ITIH5: variants seen among roughly 807,000 people sequenced by gnomAD.
The protein encoded by ITIH5 is inter-alpha-trypsin inhibitor heavy chain H5.
In ITIH5, 65 loss-of-function variants were observed where a neutral mutation model predicts 77.5. That is an observed-to-expected ratio of 0.84 (90% CI 0.69 to 1.03). ITIH5 has a LOEUF of 1.03. Ranked by LOEUF, ITIH5 falls within the 50% of genes least tolerant of loss-of-function variation. The pLI, the probability that ITIH5 is intolerant of heterozygous loss-of-function variation, is 0.00. For missense variants in ITIH5, 1,208 were observed against 1,213.1 expected, an observed-to-expected ratio of 1.00 and a Z score of 0.06; for synonymous variants, 525 against 494.3, an observed-to-expected ratio of 1.06 and a Z score of -0.82.
chr10:7,596,095 G>A (rs918069197), intron 7 of ITIH5, among the ~76,000 whole-genome samples: 1 of 152,196 alleles, frequency 6.6e-6, no homozygotes, highest in African/African-American at 2.4e-5. Context: ...GGTCTTGCTT[G>A]TTCTAGCGGA....
At chr10:7,616,128 T>C in intron 6 of ITIH5, 30 bp from the exon 7 acceptor site, 1 of 1,337,074 alleles carries the variant, frequency 7.5e-7, no homozygotes. Context: ...GTAAAAACGG[T>C]AGTACCTAGA....
At chr10:7,662,288 C>T (rs888099133) in intron 1 of ITIH5, among the ~76,000 whole-genome samples, 2 of 151,608 alleles carry the variant, frequency 1.3e-5, no homozygotes, top group African/African-American at 2.4e-5. Context: ...ATCCGGGAGG[C>T]GGAGGTTGCA....
Position 7,566,792 on chromosome 10 carries a change from AAGAAGAAGAGGAAGAGG to A in ITIH5, c.2150-402_2150-386del, listed in dbSNP as rs1344203437. The stretch of plus-strand genomic sequence containing the variant: ...GAAGAAAGAAGAAAGAAGAAAGAAG[AAGAAGAAGAGGAAGAGG>A]AAGAGGAAGAGGAAGAGGAAGAGGA... On this transcript the variant is annotated intron_variant, in intron 12 of 13. Coordinates refer to ENST00000397146, the MANE Select transcript of ITIH5 (RefSeq NM_030569.7). Among the ~76,000 whole-genome samples, 4 of 7,496 alleles carry A rather than the reference AAGAAGAAGAGGAAGAGG, an allele frequency of 5.3e-4. 2 individuals carry two copies. Among genetic ancestry groups the A allele is most frequent in the South Asian group, 0.014 (2 of 140 alleles). 4.9% of individuals were successfully genotyped at this position (7,496 alleles called of 152,430 possible).
At chr10:7,624,405 G>T (rs1003420267) in intron 5 of ITIH5, among the ~76,000 whole-genome samples, 29 of 152,124 alleles carry the variant, frequency 1.9e-4, no homozygotes, top group African/African-American at 6.8e-4. Flanking sequence ...TACTCGGGAG[G>T]CTGAGGCAGG....
intron 8 of ITIH5, among the ~76,000 whole-genome samples, chr10:7,583,030 T>C (rs1003341775): frequency 1.4e-4 from 21 of 152,224 alleles, no homozygotes; most frequent in African/African-American, 5.1e-4. Flanking sequence ...CTTGAGGTGA[T>C]GGATATCTCA....
intron 7 of ITIH5, among the ~76,000 whole-genome samples, chr10:7,610,403 T>C (rs1173417885): frequency 1.3e-5 from 2 of 152,192 alleles, no homozygotes; most frequent in African/African-American, 2.4e-5. Context: ...TAAGGTTGAA[T>C]GGTCTTTACA....
rs113717173 is a variant in ITIH5 at position 7,658,190 on chromosome 10, G to A, written c.91-2515C>T. The stretch of plus-strand genomic sequence containing the variant: ...GGCTGTTACCTTTGATTGACATCTT[G>A]TTCTTTAAACTTTTCTGTATGACCT... On this transcript the variant is annotated intron_variant, in intron 1 of 13. Coordinates refer to ENST00000397146, the MANE Select transcript of ITIH5 (RefSeq NM_030569.7). 6.3e-3 allele frequency among the ~76,000 whole-genome samples: 962 copies of A among 152,284 alleles called. 4 individuals are homozygous for A. The highest frequency in any genetic ancestry group is 0.01 in the Non-Finnish European group (693 of 68,010).
chr10:7,618,607 G>A (rs541441806), intron 5 of ITIH5: 2 of 152,286 alleles, frequency 1.3e-5, no homozygotes, highest in Admixed American at 6.5e-5. Flanking sequence ...GCATGTGGAG[G>A]CTTTTTATCC....
chr10:7,598,172 T>C (rs1436238898), intron 7 of ITIH5, among the ~76,000 whole-genome samples: 1 of 152,198 alleles, frequency 6.6e-6, no homozygotes, highest in East Asian at 1.9e-4. Flanking sequence ...TTGTTGCCCC[T>C]CTGCTACAAA....
intron 5 of ITIH5, among the ~76,000 whole-genome samples, chr10:7,632,628 T>C (rs1279180622): frequency 6.6e-6 from 1 of 152,196 alleles, no homozygotes; most frequent in Non-Finnish European, 1.5e-5. Context: ...TATACATGTA[T>C]AGAATATCAC....
intron 5 of ITIH5, among the ~76,000 whole-genome samples, chr10:7,627,901 G>A (rs1257534827): frequency 3.7e-5 from 5 of 133,436 alleles, no homozygotes; most frequent in African/African-American, 1.4e-4. Context: ...GAGTGCAGTG[G>A]TGCAATCTCA....
intron 7 of ITIH5, among the ~76,000 whole-genome samples, chr10:7,608,033 G>A (rs532240195): frequency 5.9e-5 from 9 of 152,278 alleles, no homozygotes; most frequent in Non-Finnish European, 1.2e-4. Context: ...CTCTGTTGTC[G>A]ATTTTTATTT....
At chr10:7,618,845 T>C (rs780544332) in intron 5 of ITIH5, 5 of 152,220 alleles carry the variant, frequency 3.3e-5, no homozygotes, top group Admixed American at 6.5e-5. Flanking sequence ...AGTTTAAACA[T>C]TTCCTTTAAC....
chr10:7,660,376 C>G (rs185850164), intron 1 of ITIH5, among the ~76,000 whole-genome samples: 1 of 152,006 alleles, frequency 6.6e-6, no homozygotes, highest in African/African-American at 2.4e-5. Context: ...GAATCAGGTT[C>G]AACACAGGAA....
chr10:7,561,863 CCA>C lies in ITIH5; in HGVS notation c.*1218_*1219del, dbSNP rs1832046017. On this transcript the variant is annotated 3_prime_UTR_variant, in exon 14 of 14. Transcript: ENST00000397146. The stretch of plus-strand genomic sequence containing the variant: ...GCATCGAAGCATTCCACTTCCCCGA[CCA>C]CAGTCTTTCTTTCTCTGCTGTTTCG... 6.6e-6 allele frequency: 1 copy of C among 152,260 alleles called. No individual in the cohort carries two copies. The highest frequency in any genetic ancestry group is 1.5e-5 in the Non-Finnish European group (1 of 68,112). The allele number at this position is 152,260 out of a possible 1,614,324, so 9.4% of individuals were successfully genotyped here. A position where few individuals can be genotyped will look rare whatever the true frequency, so the allele number is the denominator to read the frequency against.
chr10:7,666,899 G>A lies in ITIH5; in HGVS notation c.-7C>T. 2 of 1,586,486 alleles carry A rather than the reference G, an allele frequency of 1.3e-6. No individual in the cohort carries two copies. Among genetic ancestry groups the A allele is most frequent in the Non-Finnish European group, 1.7e-6 (2 of 1,169,330 alleles). On this transcript the variant is annotated 5_prime_UTR_variant, in exon 1 of 14. Coordinates refer to ENST00000397146, the MANE Select transcript of ITIH5 (RefSeq NM_030569.7). Reference sequence around the variant, plus strand: ...GCCCCAGCAGCAGGAGCATGGCGGGGCGAGGGCGCGGGACGCTCGGGGACC... The same window carrying A: ...GCCCCAGCAGCAGGAGCATGGCGGGACGAGGGCGCGGGACGCTCGGGGACC...
At chr10:7,649,921 A>G (rs962659295) in intron 2 of ITIH5, among the ~76,000 whole-genome samples, 1 of 152,338 alleles carries the variant, frequency 6.6e-6, no homozygotes, top group Non-Finnish European at 1.5e-5. Context: ...TAAAAATCCA[A>G]CATGCTTTCC....
In ITIH5 at chr10:7,626,677, T is replaced by C. The variant is rs74802168; in HGVS notation, c.653-9395A>G. Among the ~76,000 whole-genome samples, 301 of 152,306 alleles carry C rather than the reference T, an allele frequency of 2.0e-3. 1 individual carries two copies. The highest frequency in any genetic ancestry group is 7.0e-3 in the African/African-American group (289 of 41,580). Reference sequence around the variant, plus strand: ...TACAATACAGAATGCCTGGTTACGTTTGAATTTCGGATAAACAATGAATAA... The same window carrying C: ...TACAATACAGAATGCCTGGTTACGTCTGAATTTCGGATAAACAATGAATAA... On this transcript the variant is annotated intron_variant, in intron 5 of 13. Coordinates refer to ENST00000397146, the MANE Select transcript of ITIH5 (RefSeq NM_030569.7).
rs776611832 is a variant in ITIH5 at position 7,666,810 on chromosome 10, G to C, written c.83C>G (p.Ser28Trp). The C allele has an allele frequency of 1.5e-5, 24 of 1,607,154 alleles. No homozygotes were observed. In the South Asian group the frequency reaches 2.4e-4, roughly 16 times the overall value. ...QEEAQSWGHS[S>W]EQDGLRVPRQ... ...CCCCTCGGCTCCACTTACCTGCTCC[G>C]AAGAGTGGCCCCAGCTCTGCGCCTC... is the stretch of plus-strand genomic sequence containing the variant. The change falls in exon 1 of 14, where the codon TCG (serine) becomes TGG (tryptophan). Residue 28 changes from serine (S) to tryptophan (W), a missense_variant. Transcript: ENST00000397146.
Sources: allele counts gnomAD v4.1 joint callset (sites outside exome capture counted in the v4.1 genomes callset), GRCh38; gene constraint gnomAD v4.1.1; transcripts MANE v1.5; gene names NCBI Gene and HGNC (gene_info 2026-07-23, HGNC 2026-07-21).